MTCL2: variants seen among roughly 807,000 people sequenced by gnomAD.
MTCL2 encodes the protein microtubule crosslinking factor 2.
chr20:36,817,445 G>T, the MTCL2 span: 1 of 1,586,410 alleles, frequency 6.3e-7, no homozygotes, highest in East Asian at 2.3e-5. Flanking sequence ...CCCAGGGAGC[G>T]GGTTCCTCTT....
the MTCL2 span, among the ~76,000 whole-genome samples, chr20:36,801,941 G>A: frequency 6.6e-6 from 1 of 151,792 alleles, no homozygotes; most frequent in Non-Finnish European, 1.5e-5. Flanking sequence ...TCCAGCCTGG[G>A]CGACAGAGTA....
At chr20:36,799,402 G>C in the MTCL2 span, among the ~76,000 whole-genome samples, 1 of 152,078 alleles carries the variant, frequency 6.6e-6, no homozygotes, top group East Asian at 1.9e-4. Flanking sequence ...TGAGGCAGGA[G>C]AATCGTTTGA....
the MTCL2 span, among the ~76,000 whole-genome samples, chr20:36,790,438 T>TC: frequency 6.9e-6 from 1 of 145,880 alleles, no homozygotes; most frequent in African/African-American, 2.6e-5. Flanking sequence ...CTTTTTTTTT[T>TC]TTTTTTTTTT....
At chr20:36,834,798 T>C in the MTCL2 span, among the ~76,000 whole-genome samples, 1 of 152,046 alleles carries the variant, frequency 6.6e-6, no homozygotes, top group Non-Finnish European at 1.5e-5. Flanking sequence ...GGTCAGGAGT[T>C]AGAGACCAGC....
chr20:36,807,697 C>T, the MTCL2 span, among the ~76,000 whole-genome samples: 4 of 151,948 alleles, frequency 2.6e-5, no homozygotes, highest in African/African-American at 9.7e-5. Flanking sequence ...CCTGTACTAT[C>T]ACCAATGTTT....
the MTCL2 span, among the ~76,000 whole-genome samples, chr20:36,854,556 C>A: frequency 6.7e-6 from 1 of 149,554 alleles, no homozygotes; most frequent in African/African-American, 2.4e-5. Context: ...AGAGCTTGGG[C>A]GGGGCAGGGG....
chr20:36,792,057 T>C, the MTCL2 span, among the ~76,000 whole-genome samples: 1 of 152,196 alleles, frequency 6.6e-6, no homozygotes, highest in South Asian at 2.1e-4. Context: ...CACTTAGGTG[T>C]GAAGTCTTGA....
At chr20:36,863,262 T>C in the MTCL2 span, 1 of 1,193,440 alleles carries the variant, frequency 8.4e-7, no homozygotes, top group Non-Finnish European at 1.0e-6. This position sits in a 1 kb window ranked among gnomAD's most constrained non-coding sequence, Gnocchi z 6.2. Context: ...GTGGCTCTTT[T>C]TCCTCTCCGG....
chr20:36,777,606 C>G, the MTCL2 span: 4 of 456,734 alleles, frequency 8.8e-6, no homozygotes, highest in Non-Finnish European at 1.6e-5. Context: ...TAGGAAGGAG[C>G]CTTTTGAAGA....
the MTCL2 span, among the ~76,000 whole-genome samples, chr20:36,858,463 AACACACACACACACAC>A: frequency 5.4e-3 from 139 of 25,650 alleles, 15 homozygotes; most frequent in Middle Eastern, 0.028. Context: ...AAGGAGGGAA[AACACACACACACACAC>A]ACACACACAC....
chr20:36,842,883 G>A, the MTCL2 span, among the ~76,000 whole-genome samples: 4 of 152,198 alleles, frequency 2.6e-5, no homozygotes, highest in African/African-American at 9.7e-5. Context: ...GCAGGGGTGG[G>A]GGGTCCAAGG....
the MTCL2 span, among the ~76,000 whole-genome samples, chr20:36,837,877 C>A: frequency 8.0e-4 from 121 of 152,014 alleles, no homozygotes; most frequent in Admixed American, 1.6e-3. Flanking sequence ...GTGCCCAGCC[C>A]GCATTATTTC....
At chr20:36,859,840 A>T in the MTCL2 span, 4 of 1,231,592 alleles carry the variant, frequency 3.2e-6, no homozygotes, top group Non-Finnish European at 4.0e-6. Flanking sequence ...TGCATCTTAG[A>T]GGCAAAGTAG....
At chr20:36,808,543 A>G in the MTCL2 span, 1 of 1,605,624 alleles carries the variant, frequency 6.2e-7, no homozygotes, top group Non-Finnish European at 8.5e-7. Flanking sequence ...CGCTGGGCAA[A>G]ACCTTGCCCT....
chr20:36,815,265 G>A, the MTCL2 span: 2 of 1,613,962 alleles, frequency 1.2e-6, no homozygotes, highest in Non-Finnish European at 1.7e-6. This position sits in a 1 kb window ranked among gnomAD's most constrained non-coding sequence, Gnocchi z 5.3. Flanking sequence ...CCGCGTGAAG[G>A]CATTCAGCTC....
the MTCL2 span, chr20:36,793,396 G>A: frequency 7.0e-5 from 108 of 1,551,632 alleles, no homozygotes; most frequent in East Asian, 2.6e-3. The surrounding 1 kb of genome is among the most constrained non-coding windows in gnomAD (Gnocchi z 6.8). Context: ...CTGGCTGATG[G>A]TAGCTGGCTG....
the MTCL2 span, among the ~76,000 whole-genome samples, chr20:36,806,667 GCA>G: frequency 6.6e-6 from 1 of 151,936 alleles, no homozygotes; most frequent in African/African-American, 2.4e-5. Context: ...CTACCAGTGT[GCA>G]CCACCGTTCC....
the MTCL2 span, among the ~76,000 whole-genome samples, chr20:36,808,315 C>T: frequency 4.3e-4 from 65 of 150,130 alleles, no homozygotes; most frequent in Non-Finnish European, 3.0e-5. Flanking sequence ...GAGATTGCAC[C>T]ACTGCACTCT....
At chr20:36,849,494 G>A in the MTCL2 span, among the ~76,000 whole-genome samples, 1 of 152,102 alleles carries the variant, frequency 6.6e-6, no homozygotes, top group African/African-American at 2.4e-5. Context: ...GAGCACAGTG[G>A]CTTGATCACA....
Sources: gnomAD v4.1 joint callset for allele counts (sites outside exome capture counted in the v4.1 genomes callset) on GRCh38, gnomAD v4.1.1 for gene constraint, Gnocchi (gnomAD v3.1) non-coding constraint, MANE v1.5 for transcripts, NCBI Gene and HGNC (gene_info 2026-07-23, HGNC 2026-07-21) for gene names.